Variants in FHAD1 observed in about 807,000 individuals in gnomAD.
The protein encoded by FHAD1 is forkhead associated phosphopeptide binding domain 1.
FHAD1 carries 146 observed loss-of-function variants against 191.3 expected under a neutral mutation model. The observed-to-expected ratio is 0.76, with a 90% CI of 0.67 to 0.88. The LOEUF is 0.88. Among genes scored for constraint, FHAD1 ranks in the 40% least tolerant of loss-of-function variants. The pLI is 0.00. For synonymous variants in FHAD1, 616 were observed against 672.3 expected (o/e 0.92, Z 1.29); for missense variants, 1,635 against 1,785.8 (o/e 0.92, Z 1.52).
rs116085432 is a variant in FHAD1, at chr1:15,372,125, G to A, written c.3448-2377G>A. Among the ~76,000 whole-genome samples the A allele has an allele frequency of 2.3e-3, 356 of 152,194 alleles. 1 individual carries two copies. Among genetic ancestry groups the A allele is most frequent in the Non-Finnish European group, 4.4e-3 (302 of 68,006 alleles). ...GCACAGCAGGATTCAGCACAGTGAC[G>A]CGGGGGCATGGGGGTGGTCAGGTGA... On this transcript the variant is annotated intron_variant, in intron 26 of 33. Coordinates refer to ENST00000688493, the MANE Select transcript of FHAD1 (RefSeq NM_001391957.1).
chr1:15,299,037 C>A (rs1338905161), intron 5 of FHAD1, among the ~76,000 whole-genome samples: 1 of 147,768 alleles, frequency 6.8e-6, no homozygotes, highest in Non-Finnish European at 1.5e-5. Context: ...AAACAAACAA[C>A]AACAACAAAA....
intron 5 of FHAD1, among the ~76,000 whole-genome samples, chr1:15,299,216 AAGG>A (rs1293811235): frequency 6.1e-5 from 9 of 146,372 alleles, no homozygotes; most frequent in African/African-American, 8.0e-5. Context: ...AAAAAAAAAA[AAGG>A]AAAAAAAAAA....
At chr1:15,299,199 C>CAAAAAA (rs35299485) in intron 5 of FHAD1, among the ~76,000 whole-genome samples, 655 of 46,270 alleles carry the variant, frequency 0.014, 47 homozygotes, top group African/African-American at 0.05. Context: ...GACCCTGTCT[C>CAAAAAA]AAAAAAAAAA....
chr1:15,366,552 C>T (rs746419731), intron 24 of FHAD1, among the ~76,000 whole-genome samples: 22 of 152,184 alleles, frequency 1.4e-4, no homozygotes, highest in Non-Finnish European at 2.2e-4. Context: ...GAAGCAAAGG[C>T]TTGGAGGGCA....
At chr1:15,304,168 C>T (rs960628322) in intron 6 of FHAD1, among the ~76,000 whole-genome samples, 2 of 152,272 alleles carry the variant, frequency 1.3e-5, no homozygotes, top group Non-Finnish European at 2.9e-5. Flanking sequence ...CGATCTGATA[C>T]AATACCCCAA....
chr1:15,327,149 C>T lies in FHAD1; in HGVS notation c.1557+7C>T. On this transcript the variant is annotated splice_region_variant and intron_variant, in intron 12 of 33. Transcript: ENST00000688493. This position sits in a 1 kb window ranked among gnomAD's most constrained non-coding sequence, Gnocchi z 5.1. ...GCCCGTCACCGACCAACAGGTTAGT[C>T]TGCCGTCCCTGCCACGTGGCTCCTT... 3 of 1,541,722 alleles carry T rather than the reference C, an allele frequency of 1.9e-6. No homozygotes were observed. The highest frequency in any genetic ancestry group is 2.6e-6 in the Non-Finnish European group (3 of 1,138,380).
Position 15,272,385 on chromosome 1 carries a change from T to C in FHAD1, c.156T>C (p.Val52=). The change falls in exon 3 of 34, where the codon GTT becomes GTC. Residue 52 remains valine, a synonymous_variant. Transcript: ENST00000688493. ...ATAACGAGGCGGAGTGCAGCTTTGT[T>C]CTCCAGGACTTCAATTCCCGCAACG... ...IEYNEAECSF[V]LQDFNSRNGT... 6.4e-7 allele frequency: 1 copy of C among 1,551,712 alleles called. No homozygotes were observed. Among genetic ancestry groups the C allele is most frequent in the Non-Finnish European group, 8.7e-7 (1 of 1,147,002 alleles).
intron 5 of FHAD1, among the ~76,000 whole-genome samples, chr1:15,300,356 T>C (rs1305213449): frequency 6.6e-6 from 1 of 152,196 alleles, no homozygotes; most frequent in Non-Finnish European, 1.5e-5. Context: ...CTCTCATTTA[T>C]TTTTCATGAC....
At chr1:15,394,768 G>A (rs1479605646) in intron 33 of FHAD1, among the ~76,000 whole-genome samples, 1 of 152,184 alleles carries the variant, frequency 6.6e-6, no homozygotes, top group East Asian at 1.9e-4. Flanking sequence ...TGGCAGAGCT[G>A]AAACGCGACT....
intron 33 of FHAD1, among the ~76,000 whole-genome samples, chr1:15,395,796 AT>A (rs35262234): frequency 1.7e-4 from 25 of 150,362 alleles, no homozygotes; most frequent in Admixed American, 3.3e-4. Context: ...TTATGGGATA[AT>A]TTTTTTTTTA....
At chr1:15,290,901 A>T (rs1172149122) in intron 4 of FHAD1, among the ~76,000 whole-genome samples, 1 of 151,738 alleles carries the variant, frequency 6.6e-6, no homozygotes, top group African/African-American at 2.4e-5. Context: ...TTTTTAGTAG[A>T]GATGGGGTTT....
chr1:15,400,949 C>T (rs973408126), downstream of FHAD1, among the ~76,000 whole-genome samples: 6 of 152,238 alleles, frequency 3.9e-5, no homozygotes, highest in Non-Finnish European at 5.9e-5. Context: ...TTACAATCTA[C>T]TCACATTGGG....
chr1:15,337,042 C>CG (rs1296470306), intron 14 of FHAD1, among the ~76,000 whole-genome samples: 5 of 152,332 alleles, frequency 3.3e-5, no homozygotes, highest in Non-Finnish European at 7.3e-5. Context: ...TCCACACGGA[C>CG]GCCTCTGCAG....
At chr1:15,338,366 C>T (rs1685122740) in intron 14 of FHAD1, among the ~76,000 whole-genome samples, 1 of 152,232 alleles carries the variant, frequency 6.6e-6, no homozygotes, top group African/African-American at 2.4e-5. Flanking sequence ...CTTCCTCCAT[C>T]TTCAAAGCCA....
chr1:15,385,027 C>G (rs6429737), intron 31 of FHAD1, among the ~76,000 whole-genome samples: 17,836 of 152,106 alleles, frequency 0.12, 2,544 homozygotes, highest in African/African-American at 0.34. Context: ...TACTCCATCA[C>G]CATTTCTCTC....
chr1:15,242,147 C>CGCTTGAA (rs1160619633), intron 1 of FHAD1, among the ~76,000 whole-genome samples: 1 of 149,768 alleles, frequency 6.7e-6, no homozygotes, highest in East Asian at 2.0e-4. Flanking sequence ...GCAGGAGAAT[C>CGCTTGAA]GCTTGAACCC....
upstream of FHAD1, among the ~76,000 whole-genome samples, chr1:15,244,049 C>T (rs1343253061): frequency 7.6e-6 from 1 of 132,296 alleles, no homozygotes; most frequent in African/African-American, 2.8e-5. The surrounding 1 kb of genome is among the most constrained non-coding windows in gnomAD (Gnocchi z 5.1). Context: ...CTAGAAACAT[C>T]TATTTTTTTT....
chr1:15,359,468 G>T (rs1303980184), intron 21 of FHAD1, among the ~76,000 whole-genome samples: 4 of 152,106 alleles, frequency 2.6e-5, no homozygotes, highest in Admixed American at 2.6e-4. Context: ...GGATGGAAAC[G>T]CCAAGGGGAG....
intron 2 of FHAD1, among the ~76,000 whole-genome samples, chr1:15,252,402 G>A (rs1298411088): frequency 6.6e-6 from 1 of 152,196 alleles, no homozygotes; most frequent in Non-Finnish European, 1.5e-5. Context: ...TAATAACTTT[G>A]GGATCATTGG....
Sources: allele counts gnomAD v4.1 joint callset (sites outside exome capture counted in the v4.1 genomes callset), GRCh38; gene constraint gnomAD v4.1.1; non-coding constraint Gnocchi (gnomAD v3.1); transcripts MANE v1.5; gene names NCBI Gene and HGNC (gene_info 2026-07-23, HGNC 2026-07-21).